Variants in CHKA observed in about 807,000 individuals in gnomAD.
CHKA encodes choline kinase alpha, also known as CHETK-alpha.
CHKA carries 34 observed loss-of-function variants against 60.1 expected under a neutral mutation model. The ratio of observed to expected loss-of-function variants is 0.57; its 90% CI spans 0.43 to 0.75. The LOEUF (loss-of-function observed/expected upper bound fraction) is 0.75. Among genes scored for constraint, CHKA ranks in the 30% least tolerant of loss-of-function variants. The probability of loss-of-function intolerance (pLI) is 0.00; values close to 1 mark genes in which losing one functional copy is unlikely to be tolerated. For synonymous variants in CHKA, 217 were observed against 223.1 expected, an observed-to-expected ratio of 0.97 and a Z score of 0.24; for missense variants, 563 against 561.3, an observed-to-expected ratio of 1.00 and a Z score of -0.03.
intron 3 of CHKA, 55 bp downstream of exon 3, chr11:68,081,349 G>T: frequency 2.1e-6 from 3 of 1,445,456 alleles, no homozygotes; most frequent in Non-Finnish European, 2.9e-6. Context: ...AGTAGCGAAG[G>T]GTGGCTAACA....
intron 4 of CHKA, among the ~76,000 whole-genome samples, chr11:68,071,176 T>C (rs1376488057): frequency 1.3e-5 from 2 of 152,252 alleles, no homozygotes; most frequent in African/African-American, 4.8e-5. Flanking sequence ...CCACACTGAA[T>C]GTCTATTCAC....
intron 1 of CHKA, among the ~76,000 whole-genome samples, chr11:68,106,959 A>G (rs1402071254): frequency 6.6e-6 from 1 of 152,080 alleles, no homozygotes; most frequent in African/African-American, 2.4e-5. Context: ...TGGTAACAAT[A>G]AAAAACATGT....
chr11:68,086,849 G>A (rs576617886), intron 2 of CHKA, among the ~76,000 whole-genome samples: 7 of 152,296 alleles, frequency 4.6e-5, no homozygotes, highest in East Asian at 1.9e-4. Context: ...TGCCTGGCGC[G>A]GTGGCGGGCG....
chr11:68,077,109 G>A (rs190367839), intron 3 of CHKA, among the ~76,000 whole-genome samples: 47 of 152,210 alleles, frequency 3.1e-4, no homozygotes, highest in East Asian at 2.9e-3. Context: ...GCATGGTGGC[G>A]GGCACCTGTA....
At chr11:68,088,055 G>A (rs552159022) in intron 2 of CHKA, among the ~76,000 whole-genome samples, 17 of 142,520 alleles carry the variant, frequency 1.2e-4, no homozygotes, top group African/African-American at 4.4e-4. Flanking sequence ...AGAGGTTGCC[G>A]CGAGCTAAGA....
chr11:68,070,379 C>T (rs1263165496), intron 5 of CHKA, 86 bp from the exon 6 acceptor site: 3 of 1,002,360 alleles, frequency 3.0e-6, no homozygotes, highest in African/African-American at 1.6e-5. Context: ...TTTGGTTAAA[C>T]ATTCAATCCC....
At position 68,066,520 on chromosome 11, in the gene CHKA, CA is replaced by C; in HGVS notation, c.929-5del. 1 of 1,611,552 alleles carries C rather than the reference CA, an allele frequency of 6.2e-7. No individual in the cohort carries two copies. Among genetic ancestry groups the C allele is most frequent in the South Asian group, 1.1e-5 (1 of 91,012 alleles). On this transcript the variant is annotated splice_polypyrimidine_tract_variant and splice_region_variant and intron_variant, in intron 7 of 11. Coordinates refer to ENST00000265689, the MANE Select transcript of CHKA (RefSeq NM_001277.3). The stretch of plus-strand genomic sequence containing the variant: ...CCTTCCAGCAACAAGATATTACCTG[CA>C]AAAGGTTTGGATAACATGGTTTATG...
intron 4 of CHKA, among the ~76,000 whole-genome samples, chr11:68,073,609 G>A (rs1856692552): frequency 6.6e-6 from 1 of 152,096 alleles, no homozygotes; most frequent in African/African-American, 2.4e-5. Flanking sequence ...TAGCACAGAC[G>A]GACAGTGCCA....
chr11:68,105,507 T>G (rs1401068863), intron 1 of CHKA, among the ~76,000 whole-genome samples: 1 of 87,610 alleles, frequency 1.1e-5, no homozygotes, highest in East Asian at 3.8e-4. Flanking sequence ...AGAGTGAGAC[T>G]CCATCTCAAA....
At chr11:68,068,749 T>C (rs550587433) in intron 7 of CHKA, 130 bp downstream of exon 7, 3 of 608,742 alleles carry the variant, frequency 4.9e-6, no homozygotes, top group African/African-American at 1.8e-5. Flanking sequence ...CAAAACCTCA[T>C]TGTCTGGTTG....
intron 1 of CHKA, among the ~76,000 whole-genome samples, chr11:68,118,757 G>C (rs1196771231): frequency 6.6e-6 from 1 of 152,226 alleles, no homozygotes; most frequent in Non-Finnish European, 1.5e-5. Flanking sequence ...GGAAAGCTGT[G>C]TTTTCCAAGA....
chr11:68,110,235 C>T (rs1215566934), intron 1 of CHKA, among the ~76,000 whole-genome samples: 1 of 152,106 alleles, frequency 6.6e-6, no homozygotes, highest in African/African-American at 2.4e-5. Context: ...TTCCCCCTCA[C>T]CACTTTTTTC....
chr11:68,078,998 A>G (rs1170322045), intron 3 of CHKA, among the ~76,000 whole-genome samples: 2 of 151,898 alleles, frequency 1.3e-5, no homozygotes, highest in Non-Finnish European at 2.9e-5. Context: ...CAGTGGCAAG[A>G]TCTCGGCTCA....
intron 10 of CHKA, among the ~76,000 whole-genome samples, chr11:68,062,770 T>C (rs1005532499): frequency 6.6e-6 from 1 of 152,196 alleles, no homozygotes; most frequent in African/African-American, 2.4e-5. Flanking sequence ...CTCCTCCATC[T>C]GTTTTTTTCT....
chr11:68,100,005 T>C (rs1234252748), intron 1 of CHKA, among the ~76,000 whole-genome samples: 4 of 152,110 alleles, frequency 2.6e-5, no homozygotes, highest in Non-Finnish European at 5.9e-5. Flanking sequence ...TTAGTGACAG[T>C]CAAAATAAAT....
rs551969436 is a variant in CHKA at position 68,058,058 on chromosome 11, T to C, written c.1314+3895A>G. Among the ~76,000 whole-genome samples, 5 of 152,262 alleles carry C rather than the reference T, an allele frequency of 3.3e-5. No individual in the cohort carries two copies. In the East Asian group the frequency reaches 9.6e-4, roughly 29 times the overall value. On this transcript the variant is annotated intron_variant, in intron 11 of 11. Transcript: ENST00000265689. ...GCATGTGCTACAGACACCCAGCTAA[T>C]TGTTTCGTATTTTTTGTAGAGATGA...
At chr11:68,090,022 T>C (rs1181477172) in intron 2 of CHKA, 1 of 152,226 alleles carries the variant, frequency 6.6e-6, no homozygotes, top group African/African-American at 2.4e-5. Flanking sequence ...GAAATCCGCA[T>C]TGGCTTCATG....
chr11:68,059,668 ACT>A (rs1249185668), intron 11 of CHKA, among the ~76,000 whole-genome samples: 3 of 152,102 alleles, frequency 2.0e-5, no homozygotes, highest in Admixed American at 6.5e-5. Context: ...TTAGAAGTGT[ACT>A]GTTTAATTTC....
rs368625603 is a variant in CHKA at position 68,097,178 on chromosome 11, A to T, written c.351-48T>A. The T allele has an allele frequency of 5.0e-6, 7 of 1,413,078 alleles. No homozygotes were observed. The African/African-American group carries it at 8.5e-5, about 17-fold the overall frequency. 87.5% of individuals were successfully genotyped at this position (1,413,078 alleles called of 1,614,324 possible). A position where few individuals can be genotyped will look rare whatever the true frequency, so the allele number is the denominator to read the frequency against. The stretch of plus-strand genomic sequence containing the variant: ...AAGTATCTTTATTGCAGGTGAGCTA[A>T]ATCACTCTTCTTGGATAAATATGGA... On this transcript the variant is annotated intron_variant, in intron 1 of 11. Transcript: ENST00000265689.
Sources: gnomAD v4.1 joint callset for allele counts (sites outside exome capture counted in the v4.1 genomes callset) on GRCh38, gnomAD v4.1.1 for gene constraint, MANE v1.5 for transcripts, NCBI Gene and HGNC (gene_info 2026-07-23, HGNC 2026-07-21) for gene names.